Variants in NDUFAF2 observed in about 807,000 individuals in gnomAD.
The protein encoded by NDUFAF2 is NADH dehydrogenase [ubiquinone] 1 alpha subcomplex assembly factor 2.
In NDUFAF2, 13 loss-of-function variants were observed where a neutral mutation model predicts 22.8. The observed-to-expected ratio is 0.57, with a 90% CI of 0.37 to 0.91. The LOEUF (loss-of-function observed/expected upper bound fraction) is 0.91, where lower values mean the gene tolerates loss of function less well. Among genes scored for constraint, NDUFAF2 ranks in the 40% least tolerant of loss-of-function variants. NDUFAF2 has a pLI of 0.01. For missense variants in NDUFAF2, 162 were observed against 195.2 expected (o/e 0.83, Z 1.01); for synonymous variants, 53 against 64.2 (o/e 0.83, Z 0.84).
intron 1 of NDUFAF2, among the ~76,000 whole-genome samples, chr5:61,016,691 G>T (rs547505156): frequency 6.6e-6 from 1 of 152,268 alleles, no homozygotes; most frequent in East Asian, 1.9e-4. Flanking sequence ...TCTCCCCAAA[G>T]CCTGAGGATC....
At chr5:60,998,897 T>C (rs961797471) in intron 1 of NDUFAF2, among the ~76,000 whole-genome samples, 2 of 152,104 alleles carry the variant, frequency 1.3e-5, no homozygotes, top group South Asian at 4.1e-4. Context: ...TTTATTTTTT[T>C]TAATTTTTGA....
chr5:60,977,778 A>G (rs1349013294), intron 1 of NDUFAF2, among the ~76,000 whole-genome samples: 1 of 150,424 alleles, frequency 6.6e-6, no homozygotes, highest in Non-Finnish European at 1.5e-5. Flanking sequence ...TGGAGGTTGC[A>G]GTGAGCCAAG....
At chr5:60,993,793 G>T (rs1461276312) in intron 1 of NDUFAF2, among the ~76,000 whole-genome samples, 3 of 152,192 alleles carry the variant, frequency 2.0e-5, no homozygotes, top group East Asian at 1.9e-4. Context: ...TGTTGTCCTG[G>T]TGTCTGCTCA....
chr5:61,016,355 A>G (rs1751511388), intron 1 of NDUFAF2, among the ~76,000 whole-genome samples: 1 of 152,198 alleles, frequency 6.6e-6, no homozygotes. Context: ...GACTGAAATT[A>G]CAAAACTATA....
intron 1 of NDUFAF2, among the ~76,000 whole-genome samples, chr5:60,959,598 C>T (rs996666049): frequency 6.6e-6 from 1 of 151,948 alleles, no homozygotes; most frequent in African/African-American, 2.4e-5. Context: ...TAATCATCAC[C>T]ATGGGCATCA....
intron 1 of NDUFAF2, among the ~76,000 whole-genome samples, chr5:61,017,265 T>G (rs1271079657): frequency 6.6e-6 from 1 of 152,172 alleles, no homozygotes; most frequent in African/African-American, 2.4e-5. Context: ...AATAAACACC[T>G]CAGACTCAGA....
chr5:61,101,492 G>T (rs1430471639), intron 3 of NDUFAF2, among the ~76,000 whole-genome samples: 1 of 152,018 alleles, frequency 6.6e-6, no homozygotes, highest in East Asian at 1.9e-4. Context: ...AAAATACCCA[G>T]CCCAGTTGGC....
chr5:61,091,402 T>A (rs1013688967), intron 2 of NDUFAF2, among the ~76,000 whole-genome samples: 2 of 151,820 alleles, frequency 1.3e-5, no homozygotes, highest in Non-Finnish European at 3.0e-5. Context: ...ATGGTGTGAT[T>A]TGCATTTCTT....
intron 3 of NDUFAF2, among the ~76,000 whole-genome samples, chr5:61,151,831 C>G (rs1236827003): frequency 6.6e-6 from 1 of 151,936 alleles, no homozygotes; most frequent in Non-Finnish European, 1.5e-5. Context: ...ACAACAACAA[C>G]AACAAAACAC....
At chr5:61,005,049 T>A (rs1243331628) in intron 1 of NDUFAF2, among the ~76,000 whole-genome samples, 33 of 152,244 alleles carry the variant, frequency 2.2e-4, no homozygotes, top group Non-Finnish European at 5.9e-5. Context: ...TAACTTGTCA[T>A]TTACATTAGG....
intron 3 of NDUFAF2, among the ~76,000 whole-genome samples, chr5:61,104,454 AT>A (rs1315175566): frequency 6.6e-6 from 1 of 152,108 alleles, no homozygotes; most frequent in Non-Finnish European, 1.5e-5. Flanking sequence ...CATTTTTAAT[AT>A]ACATACTCCA....
chr5:61,118,404 C>G lies in NDUFAF2; in HGVS notation c.258+19372C>G, dbSNP rs187113731. On this transcript the variant is annotated intron_variant, in intron 3 of 3. Transcript: ENST00000296597. ...TTTCTCTGTCTACCTAGCTAGCTAG[C>G]TGTCCATTTATCTATCTTAAAATTA... Among the ~76,000 whole-genome samples, 203 of 152,306 alleles carry G rather than the reference C, an allele frequency of 1.3e-3. 2 individuals carry two copies. Among genetic ancestry groups the G allele is most frequent in the Admixed American group, 2.4e-3 (37 of 15,288 alleles).
chr5:61,026,175 G>A (rs914828112), intron 1 of NDUFAF2, among the ~76,000 whole-genome samples: 10 of 152,170 alleles, frequency 6.6e-5, no homozygotes, highest in Middle Eastern at 6.8e-3. Context: ...GAAGATGGAC[G>A]TCTCATGAAA....
At chr5:61,139,485 C>T (rs1741018475) in intron 3 of NDUFAF2, among the ~76,000 whole-genome samples, 1 of 152,188 alleles carries the variant, frequency 6.6e-6, no homozygotes, top group Non-Finnish European at 1.5e-5. Flanking sequence ...TGAAGCATTT[C>T]AGTGTTCTGA....
intron 1 of NDUFAF2, among the ~76,000 whole-genome samples, chr5:60,963,965 T>C (rs1295335685): frequency 6.6e-6 from 1 of 152,204 alleles, no homozygotes; most frequent in African/African-American, 2.4e-5. Flanking sequence ...GTATACATTT[T>C]GCTTTCACTG....
Position 61,074,885 on chromosome 5 carries a change from C to T in NDUFAF2, c.217+1671C>T, listed in dbSNP as rs143067253. Among the ~76,000 whole-genome samples the T allele has an allele frequency of 3.8e-3, 573 of 152,212 alleles. 8 individuals carry two copies. The highest frequency in any genetic ancestry group is 0.013 in the African/African-American group (544 of 41,530). The stretch of plus-strand genomic sequence containing the variant: ...GGAAATTTACAATCATGGCAGAAGG[C>T]GAAGGGGAGGCAAGCACCTTCTTTG... On this transcript the variant is annotated intron_variant, in intron 2 of 3. Coordinates refer to ENST00000296597, the MANE Select transcript of NDUFAF2 (RefSeq NM_174889.5).
intron 3 of NDUFAF2, among the ~76,000 whole-genome samples, chr5:61,150,651 G>A (rs2111836207): frequency 6.6e-6 from 1 of 152,256 alleles, no homozygotes; most frequent in East Asian, 1.9e-4. Flanking sequence ...CACAGCTTCA[G>A]GTGACATGAC....
intron 1 of NDUFAF2, among the ~76,000 whole-genome samples, chr5:60,986,452 T>C (rs1561535081): frequency 1.3e-5 from 2 of 152,168 alleles, no homozygotes; most frequent in Non-Finnish European, 2.9e-5. Flanking sequence ...CTAGAATCTC[T>C]GGGGCACAGA....
chr5:60,971,155 A>T (rs376369830), intron 1 of NDUFAF2, among the ~76,000 whole-genome samples: 14 of 136,152 alleles, frequency 1.0e-4, no homozygotes, highest in Admixed American at 5.9e-4. Context: ...TTTTTTTTTT[A>T]AATTGTACTT....
Sources: gnomAD v4.1 joint callset for allele counts (sites outside exome capture counted in the v4.1 genomes callset) on GRCh38, gnomAD v4.1.1 for gene constraint, MANE v1.5 for transcripts, NCBI Gene and HGNC (gene_info 2026-07-23, HGNC 2026-07-21) for gene names.